Variants in RABGAP1L observed in about 807,000 individuals in gnomAD.
The protein encoded by RABGAP1L is rab GTPase-activating protein 1-like.
Under a neutral mutation model 137.7 loss-of-function variants are expected in RABGAP1L, and 63 were observed. The observed-to-expected ratio is 0.46, with a 90% CI of 0.37 to 0.56. The LOEUF is 0.56. Ranked by LOEUF, RABGAP1L falls within the 20% of genes least tolerant of loss-of-function variation. The probability of loss-of-function intolerance (pLI) is 0.00; values close to 1 mark genes in which losing one functional copy is unlikely to be tolerated. For missense variants in RABGAP1L, 1,095 were observed against 1,244.0 expected (o/e 0.88, Z 1.80); for synonymous variants, 431 against 433.7 (o/e 0.99, Z 0.08).
In RABGAP1L at chr1:174,646,591, C is replaced by A. The variant is rs190556600; in HGVS notation, c.1824+9103C>A. On this transcript the variant is annotated intron_variant, in intron 14 of 25. Transcript: ENST00000681986. ...CTATATATCTGTTTTGATACCAGTA[C>A]CATGCTGTTTTCGTTACTGTAGCCT... 2.5e-3 allele frequency among the ~76,000 whole-genome samples: 380 copies of A among 152,242 alleles called. 6 individuals are homozygous for A. The highest frequency in any genetic ancestry group is 8.4e-3 in the African/African-American group (347 of 41,522).
intron 13 of RABGAP1L, among the ~76,000 whole-genome samples, chr1:174,577,897 C>T (rs569432505): frequency 2.0e-5 from 3 of 152,262 alleles, no homozygotes; most frequent in African/African-American, 7.2e-5. Flanking sequence ...GAGAAATTAA[C>T]CACCCCTCTA....
chr1:174,231,299 T>G lies in RABGAP1L; in HGVS notation c.486T>G (p.Ser162Arg). 6.2e-7 allele frequency: 1 copy of G among 1,614,160 alleles called. No individual in the cohort carries two copies. Among genetic ancestry groups the G allele is most frequent in the Non-Finnish European group, 8.5e-7 (1 of 1,180,010 alleles). Residue 162 changes from serine to arginine, a missense_variant, in exon 4 of 26, where the codon AGT becomes AGG. Around this residue, in one of 4 missense-constraint regions of RABGAP1L, gnomAD observed 356 missense variants for 326.3 expected, o/e 1.09. Transcript: ENST00000681986. ...CAATGGCAACCATGAAATCTTCCAGTCAATACCCCTTTCCTGTTACCCTGT... is the reference window on the plus strand; with the variant it reads ...CAATGGCAACCATGAAATCTTCCAGGCAATACCCCTTTCCTGTTACCCTGT... Reference protein sequence around the residue: ...LRAMATMKSSSQYPFPVTLYV... With the variant: ...LRAMATMKSSRQYPFPVTLYV...
rs10645289 is a variant in RABGAP1L, at chr1:174,807,948, AAAC to A, written c.2212-3860_2212-3858del. ...CCCCATCTCTACCAAAAACAAAACA[AAAC>A]AACAACAACAACAACAACAACAAAT... On this transcript the variant is annotated intron_variant, in intron 18 of 25. Transcript: ENST00000681986. 9.7e-3 allele frequency among the ~76,000 whole-genome samples: 1,368 copies of A among 141,102 alleles called. 9 individuals carry two copies. The highest frequency in any genetic ancestry group is 0.013 in the Non-Finnish European group (869 of 66,006). 92.6% of individuals were successfully genotyped at this position (141,102 alleles called of 152,430 possible).
intron 13 of RABGAP1L, among the ~76,000 whole-genome samples, chr1:174,485,983 T>C (rs898797402): frequency 5.3e-5 from 8 of 152,204 alleles, no homozygotes; most frequent in Admixed American, 2.0e-4. Flanking sequence ...TTTTCTTTGC[T>C]GGGAAACATT....
chr1:174,209,887 G>A (rs753976480), intron 1 of RABGAP1L, among the ~76,000 whole-genome samples: 4 of 152,208 alleles, frequency 2.6e-5, no homozygotes, highest in Admixed American at 6.5e-5. Flanking sequence ...GCCCCAGGTG[G>A]CACAGAACAG....
At chr1:174,536,306 G>C (rs1041406151) in intron 13 of RABGAP1L, among the ~76,000 whole-genome samples, 1 of 151,664 alleles carries the variant, frequency 6.6e-6, no homozygotes, top group Non-Finnish European at 1.5e-5. Flanking sequence ...CAAAGTAAAA[G>C]CAATTTTAAC....
At chr1:174,281,542 G>C (rs554295676) in intron 10 of RABGAP1L, among the ~76,000 whole-genome samples, 1 of 152,106 alleles carries the variant, frequency 6.6e-6, no homozygotes, top group African/African-American at 2.4e-5. Flanking sequence ...AGCCGGATTC[G>C]CCTCTCACCT....
chr1:174,553,311 A>G (rs1387764791), intron 13 of RABGAP1L, among the ~76,000 whole-genome samples: 2 of 152,170 alleles, frequency 1.3e-5, no homozygotes, highest in African/African-American at 4.8e-5. Context: ...CTGTGCCTAC[A>G]CCGCAAATGG....
intron 10 of RABGAP1L, among the ~76,000 whole-genome samples, chr1:174,291,286 G>A (rs1234495732): frequency 6.6e-6 from 1 of 150,842 alleles, no homozygotes; most frequent in Admixed American, 6.6e-5. Context: ...TAAACATTAA[G>A]CCAACCTTGC....
At chr1:174,188,038 C>G (rs2148324910) in intron 1 of RABGAP1L, among the ~76,000 whole-genome samples, 1 of 152,104 alleles carries the variant, frequency 6.6e-6, no homozygotes, top group East Asian at 1.9e-4. Context: ...TTCTTTAATC[C>G]CACTTTTGTT....
At chr1:174,721,058 G>T (rs1572922747) in intron 17 of RABGAP1L, among the ~76,000 whole-genome samples, 1 of 152,102 alleles carries the variant, frequency 6.6e-6, no homozygotes, top group Non-Finnish European at 1.5e-5. Flanking sequence ...ATATACTCAG[G>T]TTTATTTCCT....
intron 13 of RABGAP1L, among the ~76,000 whole-genome samples, chr1:174,441,603 G>A (rs1210389282): frequency 6.6e-6 from 1 of 151,982 alleles, no homozygotes; most frequent in Non-Finnish European, 1.5e-5. Context: ...GCGTGGTGGT[G>A]CATGCCTGTA....
chr1:174,468,603 A>C (rs1164833055), intron 13 of RABGAP1L, among the ~76,000 whole-genome samples: 1 of 152,184 alleles, frequency 6.6e-6, no homozygotes, highest in Non-Finnish European at 1.5e-5. Context: ...TGAAACAGTG[A>C]ATTTCAAATA....
intron 17 of RABGAP1L, among the ~76,000 whole-genome samples, chr1:174,704,200 T>G (rs1679882237): frequency 6.6e-6 from 1 of 152,126 alleles, no homozygotes; most frequent in South Asian, 2.1e-4. Context: ...GGTTTCACCA[T>G]GCTGGCCAGG....
At chr1:174,341,091 G>T (rs1347473295) in intron 11 of RABGAP1L, among the ~76,000 whole-genome samples, 2 of 152,016 alleles carry the variant, frequency 1.3e-5, no homozygotes, top group African/African-American at 4.8e-5. Flanking sequence ...CATGTCCCTT[G>T]CCACTTTTTA....
intron 19 of RABGAP1L, among the ~76,000 whole-genome samples, chr1:174,885,051 A>G (rs1293977364): frequency 2.6e-5 from 4 of 152,336 alleles, no homozygotes; most frequent in African/African-American, 7.2e-5. Context: ...TGGGCAGATT[A>G]CTTAATCTCA....
chr1:174,538,138 C>A (rs1005631194), intron 13 of RABGAP1L, among the ~76,000 whole-genome samples: 1 of 152,126 alleles, frequency 6.6e-6, no homozygotes, highest in African/African-American at 2.4e-5. Flanking sequence ...ATCTCTGAAC[C>A]CTGCTTTGGG....
At chr1:174,957,351 T>A in intron 19 of RABGAP1L, 106 bp from the exon 20 acceptor site, 2 of 829,042 alleles carry the variant, frequency 2.4e-6, no homozygotes, top group Non-Finnish European at 4.0e-6. Context: ...AACTTTGAGT[T>A]GAGCATGTTC....
At chr1:174,167,658 C>T (rs551962250) in intron 1 of RABGAP1L, among the ~76,000 whole-genome samples, 2 of 152,238 alleles carry the variant, frequency 1.3e-5, no homozygotes, top group African/African-American at 4.8e-5. Context: ...CCCACACATA[C>T]ACCCGTTTAC....
Sources: allele counts gnomAD v4.1 joint callset (sites outside exome capture counted in the v4.1 genomes callset), GRCh38; gene constraint gnomAD v4.1.1; regional missense constraint gnomAD v4.1.1; transcripts MANE v1.5; gene names NCBI Gene and HGNC (gene_info 2026-07-23, HGNC 2026-07-21).